The following SYN2 variants were observed in gnomAD, a reference collection of about 807,000 sequenced individuals.
The protein encoded by SYN2 is synapsin-2.
A neutral mutation model predicts 50.9 loss-of-function variants in SYN2; 19 were observed. That is an observed-to-expected ratio of 0.37 (90% confidence interval 0.26 to 0.55). The LOEUF is 0.55. SYN2 is among the 20% of genes least tolerant of loss of function. The pLI is 0.81. For synonymous variants in SYN2, 255 were observed against 224.9 expected (o/e 1.13, Z -1.20); for missense variants, 587 against 576.4 (o/e 1.02, Z -0.19).
At chr3:12,024,149 CTTTTTTTTTTTT>C (rs35513783) in intron 1 of SYN2, among the ~76,000 whole-genome samples, 1 of 68,304 alleles carries the variant, frequency 1.5e-5, no homozygotes, top group Non-Finnish European at 2.6e-5. Context: ...TCATTACTTC[CTTTTTTTTTTTT>C]TTTTTTTTTT....
chr3:12,136,732 G>C (rs1026791565), intron 1 of SYN2, among the ~76,000 whole-genome samples: 1 of 152,096 alleles, frequency 6.6e-6, no homozygotes, highest in African/African-American at 2.4e-5. Flanking sequence ...AAGGGGAGAT[G>C]GTTCATTACC....
At chr3:12,157,339 C>T (rs750754448) in intron 5 of SYN2, 29 of 1,580,034 alleles carry the variant, frequency 1.8e-5, no homozygotes, top group Non-Finnish European at 2.4e-5. Context: ...ACTCCACTTT[C>T]TCCATCAGCC....
intron 10 of SYN2, among the ~76,000 whole-genome samples, chr3:12,171,466 C>T (rs1330488090): frequency 6.6e-6 from 1 of 151,976 alleles, no homozygotes; most frequent in Non-Finnish European, 1.5e-5. Context: ...CTGAGAAAAA[C>T]AGAGAACATC....
At chr3:12,025,736 C>T (rs1694244419) in intron 1 of SYN2, among the ~76,000 whole-genome samples, 1 of 152,104 alleles carries the variant, frequency 6.6e-6, no homozygotes, top group Non-Finnish European at 1.5e-5. Flanking sequence ...ATACATAGTG[C>T]CTAGCTGGCC....
At position 12,191,323 on chromosome 3, in the gene SYN2, A is replaced by G. The variant is rs559676349; in HGVS notation, c.*698A>G. ...ACTATAGAGGAGAATGCATGCCACT[A>G]TGACAGCAGTATGCCAAGCTTTGTG... On this transcript the variant is annotated 3_prime_UTR_variant, in exon 13 of 13. Coordinates refer to ENST00000621198, the MANE Select transcript of SYN2 (RefSeq NM_133625.6). The G allele has an allele frequency of 2.7e-5, 8 of 296,206 alleles. No homozygotes were observed. In the East Asian group the frequency reaches 1.4e-3, roughly 51 times the overall value. The allele number at this position is 296,206 out of a possible 1,614,324, so 18.3% of individuals were successfully genotyped here.
At chr3:12,183,922 T>G (rs956303355) in intron 11 of SYN2, 12 of 994,380 alleles carry the variant, frequency 1.2e-5, no homozygotes, top group Non-Finnish European at 1.4e-5. Flanking sequence ...CAATGAACTG[T>G]GCTTTTCGCT....
At chr3:12,129,665 T>C (rs928692391) in intron 1 of SYN2, among the ~76,000 whole-genome samples, 1 of 152,264 alleles carries the variant, frequency 6.6e-6, no homozygotes, top group African/African-American at 2.4e-5. Context: ...GATAAACATA[T>C]GGTATTGTGT....
chr3:12,008,517 CTACT>C (rs762990317), intron 1 of SYN2, among the ~76,000 whole-genome samples: 69 of 152,288 alleles, frequency 4.5e-4, no homozygotes, highest in Non-Finnish European at 8.2e-4. Flanking sequence ...CACCTCACAC[CTACT>C]AAGTCAGAAT....
intron 10 of SYN2, among the ~76,000 whole-genome samples, chr3:12,180,407 G>A (rs542989616): frequency 6.6e-6 from 1 of 152,356 alleles, no homozygotes; most frequent in South Asian, 2.1e-4. Context: ...CCTGCTGTGG[G>A]CTGGCTCCAG....
chr3:12,156,776 C>A (rs776485206), intron 5 of SYN2: 1 of 1,516,346 alleles, frequency 6.6e-7, no homozygotes, highest in South Asian at 1.1e-5. Flanking sequence ...TCCCCTAGGG[C>A]AGAATCTATT....
rs186926983 is a variant in SYN2, at chr3:12,063,437, G to A, written c.377+58509G>A. ...TGATAATGTATCCCATGAGTGTGTG[G>A]ATTAACAATTCTGATAATGCTATAC... On this transcript the variant is annotated intron_variant, in intron 1 of 12. Transcript: ENST00000621198. Among the ~76,000 whole-genome samples the A allele has an allele frequency of 1.4e-4, 22 of 152,062 alleles. No homozygotes were observed. In the East Asian group the frequency reaches 3.5e-3, roughly 24 times the overall value.
chr3:12,122,889 CAAGA>C (rs1696590910), intron 1 of SYN2, among the ~76,000 whole-genome samples: 2 of 150,288 alleles, frequency 1.3e-5, no homozygotes, highest in African/African-American at 2.5e-5. Flanking sequence ...TAAAAAAAAA[CAAGA>C]AAGAACATGA....
At chr3:12,051,468 C>T (rs989833289) in intron 1 of SYN2, among the ~76,000 whole-genome samples, 3 of 152,278 alleles carry the variant, frequency 2.0e-5, no homozygotes, top group African/African-American at 4.8e-5. Context: ...AGTTTTGGGT[C>T]GTAGTGGTCT....
intron 5 of SYN2, among the ~76,000 whole-genome samples, chr3:12,160,910 A>T (rs972299360): frequency 6.6e-6 from 1 of 152,228 alleles, no homozygotes; most frequent in African/African-American, 2.4e-5. Context: ...TCCCCTAAGG[A>T]TCTCTCTGCA....
At chr3:12,081,697 C>A (rs1049274922) in intron 1 of SYN2, among the ~76,000 whole-genome samples, 1 of 152,100 alleles carries the variant, frequency 6.6e-6, no homozygotes, top group African/African-American at 2.4e-5. Flanking sequence ...CCATCTAATC[C>A]GTCATTCTTC....
At chr3:12,083,889 A>G (rs1470938750) in intron 1 of SYN2, among the ~76,000 whole-genome samples, 1 of 152,198 alleles carries the variant, frequency 6.6e-6, no homozygotes, top group African/African-American at 2.4e-5. Flanking sequence ...TCTACCAAGT[A>G]AGAAATGACC....
chr3:12,071,013 GGCGCTGTTATA>G (rs1695340554), intron 1 of SYN2: 1 of 553,280 alleles, frequency 1.8e-6, no homozygotes, highest in South Asian at 1.4e-5. Context: ...GGTGTCTGGA[GGCGCTGTTATA>G]GCTTTCCTTC....
chr3:12,135,386 G>C (rs896219657), intron 1 of SYN2, among the ~76,000 whole-genome samples: 3 of 152,208 alleles, frequency 2.0e-5, no homozygotes, highest in Non-Finnish European at 2.9e-5. Context: ...CTGAGTCAGA[G>C]TCAGTAAGAG....
At chr3:12,151,351 G>A in intron 5 of SYN2, 25 bp downstream of exon 5, 1 of 1,582,460 alleles carries the variant, frequency 6.3e-7, no homozygotes, top group East Asian at 2.2e-5. Context: ...GGGGACATTA[G>A]TCTTTCTGCT....
Sources: allele counts gnomAD v4.1 joint callset (sites outside exome capture counted in the v4.1 genomes callset), GRCh38; gene constraint gnomAD v4.1.1; transcripts MANE v1.5; gene names NCBI Gene and HGNC (gene_info 2026-07-23, HGNC 2026-07-21).